WDPCP: variants seen among roughly 807,000 people sequenced by gnomAD.
The protein encoded by WDPCP is WD repeat-containing and planar cell polarity effector protein fritz homolog.
A neutral mutation model predicts 93.1 loss-of-function variants in WDPCP; 71 were observed. The ratio of observed to expected loss-of-function variants is 0.76; its 90% CI spans 0.63 to 0.93. The LOEUF (loss-of-function observed/expected upper bound fraction) is 0.93. WDPCP is among the 40% of genes least tolerant of loss of function. The pLI is 0.00. For synonymous variants in WDPCP, 315 were observed against 315.0 expected, an observed-to-expected ratio of 1.00 and a Z score of 0.00; for missense variants, 844 against 887.4, an observed-to-expected ratio of 0.95 and a Z score of 0.62.
chr2:63,234,552 A>G (rs774284189), intron 14 of WDPCP, among the ~76,000 whole-genome samples: 2 of 152,186 alleles, frequency 1.3e-5, no homozygotes, highest in Non-Finnish European at 2.9e-5. Flanking sequence ...AATAACATAA[A>G]AATGCCATTT....
intron 2 of WDPCP, among the ~76,000 whole-genome samples, chr2:63,693,031 G>A (rs185350149): frequency 6.6e-6 from 1 of 152,128 alleles, no homozygotes; most frequent in Non-Finnish European, 1.5e-5. Context: ...CCATTCTACA[G>A]ATAAAAAACT....
intron 6 of WDPCP, among the ~76,000 whole-genome samples, chr2:63,458,111 A>G (rs1698757224): frequency 6.7e-6 from 1 of 149,408 alleles, no homozygotes; most frequent in African/African-American, 2.5e-5. Context: ...CGACAGTGTG[A>G]GACTCCGTCT....
At chr2:63,267,357 A>AAGAT (rs1260529806) in intron 13 of WDPCP, among the ~76,000 whole-genome samples, 1 of 152,206 alleles carries the variant, frequency 6.6e-6, no homozygotes, top group Non-Finnish European at 1.5e-5. Context: ...AAATGGATAA[A>AAGAT]AGATAGTATG....
At chr2:63,779,606 T>C (rs79684343) in intron 2 of WDPCP, among the ~76,000 whole-genome samples, 29,753 of 152,060 alleles carry the variant, frequency 0.2, 3,207 homozygotes, top group Middle Eastern at 0.28. Flanking sequence ...ACACCTCCCT[T>C]CTGAGGATAA....
chr2:63,456,373 C>CG (rs1424752541), intron 6 of WDPCP, among the ~76,000 whole-genome samples: 4 of 151,956 alleles, frequency 2.6e-5, no homozygotes, highest in Non-Finnish European at 2.9e-5. Context: ...GCCAAGATTG[C>CG]GCCACTGCAC....
intron 13 of WDPCP, among the ~76,000 whole-genome samples, chr2:63,264,813 T>C (rs1264237218): frequency 6.6e-6 from 1 of 152,208 alleles, no homozygotes; most frequent in African/African-American, 2.4e-5. Context: ...TCAGAACATA[T>C]GATATGCTGG....
intron 12 of WDPCP, among the ~76,000 whole-genome samples, chr2:63,344,770 T>C (rs1052255779): frequency 2.6e-5 from 4 of 152,286 alleles, no homozygotes; most frequent in South Asian, 4.1e-4. Context: ...TCTGTATCAG[T>C]TCCTCTGGAA....
At chr2:63,187,336 T>G (rs1674714846) in intron 14 of WDPCP, among the ~76,000 whole-genome samples, 1 of 152,222 alleles carries the variant, frequency 6.6e-6, no homozygotes. Context: ...GTCTTTTGGC[T>G]GAGGGGTTTA....
intron 17 of WDPCP, among the ~76,000 whole-genome samples, chr2:63,142,216 G>A (rs1231885654): frequency 6.6e-6 from 1 of 152,124 alleles, no homozygotes; most frequent in Non-Finnish European, 1.5e-5. Context: ...GTTCCTTGAG[G>A]TATGACCTTA....
At chr2:63,495,247 G>A (rs1169144335) in intron 1 of WDPCP, among the ~76,000 whole-genome samples, 1 of 151,986 alleles carries the variant, frequency 6.6e-6, no homozygotes, top group Non-Finnish European at 1.5e-5. Flanking sequence ...AGAGAAAAAG[G>A]GATATTAAAC....
intron 14 of WDPCP, among the ~76,000 whole-genome samples, chr2:63,230,086 T>TC (rs1396556059): frequency 1.1e-5 from 1 of 95,088 alleles, no homozygotes; most frequent in African/African-American, 3.9e-5. Flanking sequence ...CCATCCTCCC[T>TC]CCCCCCACCC....
rs561393588 is a variant in WDPCP, at chr2:63,582,408, A to G, written c.75+5789T>C. Reference sequence around the variant, plus strand: ...AATTTTAAAAATAAACAGAGCATCAATGAGCCATGAGACAACTTCAATCAG... The same window carrying G: ...AATTTTAAAAATAAACAGAGCATCAGTGAGCCATGAGACAACTTCAATCAG... On this transcript the variant is annotated intron_variant, in intron 1 of 17. Coordinates refer to ENST00000272321, the MANE Select transcript of WDPCP (RefSeq NM_015910.7). Among the ~76,000 whole-genome samples, 169 of 152,308 alleles carry G rather than the reference A, an allele frequency of 1.1e-3. No individual in the cohort carries two copies. The Middle Eastern group carries it at 0.017, about 15-fold the overall frequency.
At chr2:63,210,677 G>T (rs780791635) in intron 14 of WDPCP, among the ~76,000 whole-genome samples, 12 of 152,214 alleles carry the variant, frequency 7.9e-5, no homozygotes, top group Non-Finnish European at 1.5e-4. Flanking sequence ...CCCAGGAAGT[G>T]CAAGGGGTCA....
In WDPCP at chr2:63,615,267, T is replaced by C. The variant is rs543431073; in HGVS notation, n.488+35392A>G. ...GGATCCCAGTAAACACAATGGGCCTTAGTGAGCACATTCCTTTCCTTTTTA... is the reference window on the plus strand; with the variant it reads ...GGATCCCAGTAAACACAATGGGCCTCAGTGAGCACATTCCTTTCCTTTTTA... On this transcript the variant is annotated intron_variant and non_coding_transcript_variant, in intron 3 of 4. Transcript: ENST00000467687. Among the ~76,000 whole-genome samples the C allele has an allele frequency of 1.1e-4, 16 of 152,258 alleles. No individual in the cohort carries two copies. The South Asian group carries it at 3.3e-3, about 32-fold the overall frequency.
intron 2 of WDPCP, among the ~76,000 whole-genome samples, chr2:63,708,332 C>T (rs1172411943): frequency 2.6e-5 from 4 of 152,130 alleles, no homozygotes; most frequent in Admixed American, 2.6e-4. Flanking sequence ...AATGGCGGGC[C>T]CCCCTCCCCC....
At chr2:63,143,160 C>T (rs187671515) in intron 17 of WDPCP, among the ~76,000 whole-genome samples, 1 of 152,074 alleles carries the variant, frequency 6.6e-6, no homozygotes, top group Non-Finnish European at 1.5e-5. Flanking sequence ...AAGGTTTTTA[C>T]CATTATATAA....
intron 3 of WDPCP, chr2:63,594,398 G>T: frequency 1.0e-6 from 1 of 976,516 alleles, no homozygotes; most frequent in Non-Finnish European, 1.7e-6. Context: ...CACTTTTAAA[G>T]TATGTGGATT....
At chr2:63,128,248 G>A (rs1670053241) in intron 17 of WDPCP, among the ~76,000 whole-genome samples, 1 of 152,112 alleles carries the variant, frequency 6.6e-6, no homozygotes, top group Non-Finnish European at 1.5e-5. Context: ...CCTTGACTAT[G>A]AGCAAAGTCA....
At chr2:63,424,559 A>G (rs1696120268) in intron 9 of WDPCP, among the ~76,000 whole-genome samples, 1 of 152,144 alleles carries the variant, frequency 6.6e-6, no homozygotes. Flanking sequence ...CTGCCCCAAT[A>G]TGGCCGGTAC....
Sources: allele counts gnomAD v4.1 joint callset (sites outside exome capture counted in the v4.1 genomes callset), GRCh38; gene constraint gnomAD v4.1.1; transcripts MANE v1.5; gene names NCBI Gene and HGNC (gene_info 2026-07-23, HGNC 2026-07-21).